Variants in PHACTR1 observed in about 807,000 individuals in gnomAD.
PHACTR1 encodes phosphatase and actin regulator 1, also known as RPEL repeat containing 1.
A neutral mutation model predicts 69.2 loss-of-function variants in PHACTR1; 16 were observed. The ratio of observed to expected loss-of-function variants is 0.23; its 90% CI spans 0.16 to 0.35. The LOEUF (loss-of-function observed/expected upper bound fraction) is 0.35, where lower values mean the gene tolerates loss of function less well. Ranked by LOEUF, PHACTR1 falls within the 10% of genes least tolerant of loss-of-function variation. The probability of loss-of-function intolerance (pLI) is 1.00; values close to 1 mark genes in which losing one functional copy is unlikely to be tolerated. For missense variants in PHACTR1, 510 were observed against 734.7 expected (o/e 0.69, Z 3.54); for synonymous variants, 312 against 284.5 (o/e 1.10, Z -0.97).
intron 4 of PHACTR1, among the ~76,000 whole-genome samples, chr6:12,815,668 T>C (rs1282906087): frequency 2.0e-5 from 3 of 152,174 alleles, no homozygotes; most frequent in Non-Finnish European, 4.4e-5. Flanking sequence ...ACGGGGAAAA[T>C]ACAGTTCTCT....
chr6:13,183,356 A>G (rs908779130), intron 7 of PHACTR1, among the ~76,000 whole-genome samples: 3 of 149,748 alleles, frequency 2.0e-5, no homozygotes, highest in African/African-American at 7.3e-5. Context: ...GTCTGGGAGA[A>G]GGAACCTCTT....
chr6:13,214,013 T>A (rs1447150338), intron 8 of PHACTR1: 1 of 152,216 alleles, frequency 6.6e-6, no homozygotes. Context: ...TTATGATCAA[T>A]GTTTTGTTAC....
intron 4 of PHACTR1, among the ~76,000 whole-genome samples, chr6:13,041,339 T>TATACACAC (rs1554113083): frequency 7.4e-6 from 1 of 135,366 alleles, no homozygotes; most frequent in South Asian, 2.5e-4. Flanking sequence ...TTAAAATACA[T>TATACACAC]ACACACACAC....
chr6:12,950,072 A>C (rs1791113170), intron 4 of PHACTR1, among the ~76,000 whole-genome samples: 1 of 152,204 alleles, frequency 6.6e-6, no homozygotes, highest in Non-Finnish European at 1.5e-5. Flanking sequence ...AACAATAATC[A>C]TTTTGATAAT....
chr6:12,889,548 A>T (rs1309133634), intron 4 of PHACTR1, among the ~76,000 whole-genome samples: 1 of 152,228 alleles, frequency 6.6e-6, no homozygotes, highest in Non-Finnish European at 1.5e-5. Context: ...GTAGTTTGGC[A>T]GCAAGAAAGA....
intron 4 of PHACTR1, among the ~76,000 whole-genome samples, chr6:12,856,772 G>A (rs1052677757): frequency 7.2e-5 from 11 of 152,218 alleles, no homozygotes; most frequent in African/African-American, 2.7e-4. Context: ...TGAAAGAACG[G>A]TGATATGCCC....
At chr6:12,902,692 G>C in intron 4 of PHACTR1, among the ~76,000 whole-genome samples, 1 of 152,202 alleles carries the variant, frequency 6.6e-6, no homozygotes, top group East Asian at 1.9e-4. Context: ...TTGAATGTTC[G>C]ATTGCTCCAT....
At chr6:13,284,473 C>T (rs1159826834) in intron 13 of PHACTR1, among the ~76,000 whole-genome samples, 1 of 127,762 alleles carries the variant, frequency 7.8e-6, no homozygotes, top group Non-Finnish European at 1.5e-5. Context: ...TCCAAGGTCA[C>T]ACCATTGAAT....
chr6:12,846,917 A>C (rs1366598725), intron 4 of PHACTR1, among the ~76,000 whole-genome samples: 1 of 151,812 alleles, frequency 6.6e-6, no homozygotes, highest in Non-Finnish European at 1.5e-5. Context: ...GAATCTTCCA[A>C]CCTCAGCTTC....
At chr6:12,916,540 G>GTTTT (rs10586172) in intron 4 of PHACTR1, among the ~76,000 whole-genome samples, 1 of 133,484 alleles carries the variant, frequency 7.5e-6, no homozygotes, top group Non-Finnish European at 1.6e-5. Context: ...GGCATGGACT[G>GTTTT]TTTTTTTTTT....
At chr6:12,786,942 G>GA (rs1442011292) in intron 4 of PHACTR1, among the ~76,000 whole-genome samples, 1 of 152,158 alleles carries the variant, frequency 6.6e-6, no homozygotes, top group African/African-American at 2.4e-5. Context: ...ATTACTGAGG[G>GA]AAAATTATAA....
chr6:12,921,488 G>A lies in PHACTR1; in HGVS notation c.251-131877G>A, dbSNP rs528737359. Among the ~76,000 whole-genome samples, 39 of 134,032 alleles carry A rather than the reference G, an allele frequency of 2.9e-4. No homozygotes were observed. The East Asian group carries it at 0.01, about 35-fold the overall frequency. 87.9% of individuals were successfully genotyped at this position (134,032 alleles called of 152,430 possible). A position where few individuals can be genotyped will look rare whatever the true frequency, so the allele number is the denominator to read the frequency against. ...GGAAGGAAGGAAGGAAGGAAGGAGG[G>A]AAGGAAGGAAGGAAAGAAGGAAGGA... On this transcript the variant is annotated intron_variant, in intron 4 of 14. Transcript: ENST00000332995.
chr6:12,994,415 C>T (rs1480557663), intron 4 of PHACTR1, among the ~76,000 whole-genome samples: 1 of 151,986 alleles, frequency 6.6e-6, no homozygotes, highest in Non-Finnish European at 1.5e-5. Flanking sequence ...AAATATTTGG[C>T]TGACTGGGGT....
intron 5 of PHACTR1, among the ~76,000 whole-genome samples, chr6:13,067,567 T>C (rs1290899708): frequency 1.3e-5 from 2 of 152,174 alleles, no homozygotes; most frequent in African/African-American, 2.4e-5. Context: ...AGCATACTCG[T>C]CTTTGTATGA....
intron 4 of PHACTR1, among the ~76,000 whole-genome samples, chr6:12,843,787 G>A (rs760182586): frequency 5.9e-5 from 9 of 152,140 alleles, no homozygotes; most frequent in East Asian, 1.9e-4. Context: ...TATGACATGT[G>A]GTAGACTATC....
intron 4 of PHACTR1, among the ~76,000 whole-genome samples, chr6:12,963,479 C>T (rs1026680403): frequency 2.0e-5 from 3 of 151,380 alleles, no homozygotes; most frequent in Admixed American, 1.3e-4. Context: ...AACCAACTGA[C>T]GATGGTGAAA....
intron 4 of PHACTR1, among the ~76,000 whole-genome samples, chr6:12,817,100 G>A (rs1326085502): frequency 1.3e-5 from 2 of 152,088 alleles, no homozygotes; most frequent in African/African-American, 4.8e-5. Context: ...TTTGATTGTC[G>A]GGAAGATAGG....
At chr6:13,107,927 A>C (rs1015299635) in intron 5 of PHACTR1, among the ~76,000 whole-genome samples, 1 of 151,548 alleles carries the variant, frequency 6.6e-6, no homozygotes, top group Non-Finnish European at 1.5e-5. Context: ...CTTTTCCTCT[A>C]TTGGAATTCA....
At chr6:13,240,043 G>C (rs994955413) in intron 10 of PHACTR1, among the ~76,000 whole-genome samples, 1 of 144,946 alleles carries the variant, frequency 6.9e-6, no homozygotes. Context: ...AACTTGCAAA[G>C]TTTCTTTAAA....
Sources: allele counts gnomAD v4.1 joint callset (sites outside exome capture counted in the v4.1 genomes callset), GRCh38; gene constraint gnomAD v4.1.1; transcripts MANE v1.5; gene names NCBI Gene and HGNC (gene_info 2026-07-23, HGNC 2026-07-21).